Variants in ADARB2 observed in about 807,000 individuals in gnomAD.
ADARB2 encodes the protein adenosine deaminase RNA specific B2 (inactive).
Under a neutral mutation model 62.2 loss-of-function variants are expected in ADARB2, and 25 were observed. The observed-to-expected ratio is 0.40, with a 90% CI of 0.29 to 0.56. The LOEUF is 0.56. Ranked by LOEUF, ADARB2 falls within the 20% of genes least tolerant of loss-of-function variation. The pLI, the probability that ADARB2 is intolerant of heterozygous loss-of-function variation, is 0.43. For missense variants in ADARB2, 1,071 were observed against 1,077.4 expected, an observed-to-expected ratio of 0.99 and a Z score of 0.08; for synonymous variants, 572 against 500.8, an observed-to-expected ratio of 1.14 and a Z score of -1.90.
intron 3 of ADARB2, among the ~76,000 whole-genome samples, chr10:1,309,288 C>T (rs1341102282): frequency 2.0e-5 from 3 of 152,334 alleles, no homozygotes; most frequent in East Asian, 1.9e-4. Flanking sequence ...GTAAGATTGC[C>T]TCTCAGCGGA....
chr10:1,538,755 C>T (rs908954738), intron 1 of ADARB2, among the ~76,000 whole-genome samples: 24 of 152,292 alleles, frequency 1.6e-4, no homozygotes, highest in African/African-American at 5.1e-4. Flanking sequence ...CCATGGGAGT[C>T]GAGGACAGGA....
intron 3 of ADARB2, among the ~76,000 whole-genome samples, chr10:1,298,480 T>C (rs1831543606): frequency 6.6e-6 from 1 of 152,182 alleles, no homozygotes; most frequent in South Asian, 2.1e-4. Flanking sequence ...GAGATGCTAT[T>C]GCGCTTAAAA....
rs138136179 is a variant in ADARB2, at chr10:1,315,182, C to T, written c.1078-44113G>A. On this transcript the variant is annotated intron_variant, in intron 3 of 9. Transcript: ENST00000381312. Reference sequence around the variant, plus strand: ...TGGTGCAGACTCTTCTTCCCCTCAGCGGGGTGGGGGCTTGCAGGGAGAGAT... The same window carrying T: ...TGGTGCAGACTCTTCTTCCCCTCAGTGGGGTGGGGGCTTGCAGGGAGAGAT... Among the ~76,000 whole-genome samples the T allele has an allele frequency of 1.1e-4, 17 of 152,234 alleles. 1 individual carries two copies. Among genetic ancestry groups the T allele is most frequent in the South Asian group, 6.2e-4 (3 of 4,822 alleles).
intron 1 of ADARB2, among the ~76,000 whole-genome samples, chr10:1,659,869 C>T (rs75995533): frequency 1.9e-4 from 20 of 105,948 alleles, no homozygotes; most frequent in East Asian, 1.1e-3. Context: ...CCTGCCTTCC[C>T]TCCTCTCCTC....
Position 1,702,070 on chromosome 10 carries a change from C to T in ADARB2, c.100+34981G>A, listed in dbSNP as rs541037171. 5.3e-5 allele frequency among the ~76,000 whole-genome samples: 8 copies of T among 152,342 alleles called. No homozygotes were observed. In the East Asian group the frequency reaches 1.5e-3, roughly 29 times the overall value. Reference sequence around the variant, plus strand: ...CAGAGTTCACCTGCTGATGTAGAAGCCCTGATTGGCCATTCCCTGAAGATG... The same window carrying T: ...CAGAGTTCACCTGCTGATGTAGAAGTCCTGATTGGCCATTCCCTGAAGATG... On this transcript the variant is annotated intron_variant, in intron 1 of 9. Coordinates refer to ENST00000381312, the MANE Select transcript of ADARB2 (RefSeq NM_018702.4).
intron 1 of ADARB2, among the ~76,000 whole-genome samples, chr10:1,453,439 A>G (rs1000413167): frequency 1.3e-5 from 2 of 152,132 alleles, no homozygotes; most frequent in African/African-American, 4.8e-5. Flanking sequence ...ATTTTTGTAT[A>G]TGGTGTAATG....
intron 3 of ADARB2, among the ~76,000 whole-genome samples, chr10:1,345,692 A>C (rs932373432): frequency 2.0e-5 from 3 of 152,162 alleles, no homozygotes; most frequent in Non-Finnish European, 4.4e-5. Context: ...GAGGGACAGG[A>C]CAAGAATTGT....
chr10:1,628,056 C>A (rs893392673), intron 1 of ADARB2, among the ~76,000 whole-genome samples: 1 of 152,274 alleles, frequency 6.6e-6, no homozygotes, highest in Admixed American at 6.5e-5. Context: ...CTGGCCTGAG[C>A]TCTGCCCTTG....
At chr10:1,656,035 T>A (rs1233987875) in intron 1 of ADARB2, among the ~76,000 whole-genome samples, 1 of 152,244 alleles carries the variant, frequency 6.6e-6, no homozygotes, top group Non-Finnish European at 1.5e-5. Flanking sequence ...TGTTCACATT[T>A]AATTTTTCAG....
At chr10:1,422,636 C>A (rs1388042948) in intron 1 of ADARB2, among the ~76,000 whole-genome samples, 4 of 152,214 alleles carry the variant, frequency 2.6e-5, no homozygotes, top group Admixed American at 6.5e-5. Context: ...CCATGGATAC[C>A]TACACATCTG....
chr10:1,514,550 G>T (rs1831984661), intron 1 of ADARB2, among the ~76,000 whole-genome samples: 1 of 152,128 alleles, frequency 6.6e-6, no homozygotes, highest in Non-Finnish European at 1.5e-5. Context: ...ATAGAACTTG[G>T]TTCCCTCCAG....
At chr10:1,720,013 A>G (rs564356862) in intron 1 of ADARB2, among the ~76,000 whole-genome samples, 1 of 152,256 alleles carries the variant, frequency 6.6e-6, no homozygotes, top group Non-Finnish European at 1.5e-5. Flanking sequence ...CAGCAGTCAC[A>G]TTCCTGGGGG....
chr10:1,477,092 CT>C lies in ADARB2; in HGVS notation c.101-97933del, dbSNP rs780016387. On this transcript the variant is annotated intron_variant, in intron 1 of 9. Transcript: ENST00000381312. The surrounding 1 kb of genome is among the most constrained non-coding windows in gnomAD (Gnocchi z 4.5). ...ACCTTCACAGCCACGCAAGGGCACC[CT>C]CCCACTGCGCAGCACTGCCTCTCAC... 1.1e-3 allele frequency among the ~76,000 whole-genome samples: 173 copies of C among 152,278 alleles called. 4 individuals carry two copies. The highest frequency in any genetic ancestry group is 1.2e-3 in the Admixed American group (19 of 15,306).
chr10:1,377,820 C>A (rs148968553), intron 2 of ADARB2, among the ~76,000 whole-genome samples: 1 of 152,256 alleles, frequency 6.6e-6, no homozygotes, highest in African/African-American at 2.4e-5. Flanking sequence ...TCGCTCTGGT[C>A]CTGACACTCA....
At chr10:1,602,874 AAC>A (rs917710635) in intron 1 of ADARB2, among the ~76,000 whole-genome samples, 8 of 151,948 alleles carry the variant, frequency 5.3e-5, no homozygotes, top group African/African-American at 1.4e-4. Context: ...TACACATATC[AAC>A]ACACACACAC....
chr10:1,499,604 ACACT>A (rs1430732714), intron 1 of ADARB2, among the ~76,000 whole-genome samples: 1 of 150,998 alleles, frequency 6.6e-6, no homozygotes, highest in African/African-American at 2.4e-5. Flanking sequence ...TTTTTACTCA[ACACT>A]CACTCATCAT....
At chr10:1,194,549 C>T (rs1836883539) in intron 8 of ADARB2, among the ~76,000 whole-genome samples, 1 of 152,192 alleles carries the variant, frequency 6.6e-6, no homozygotes, top group Admixed American at 6.5e-5. Context: ...GTCTGTCTGT[C>T]AGTCTATCAT....
At chr10:1,687,029 CTTT>C (rs397952487) in intron 1 of ADARB2, among the ~76,000 whole-genome samples, 5,341 of 128,844 alleles carry the variant, frequency 0.041, 105 homozygotes, top group Middle Eastern at 0.071. Context: ...ATGACATTGC[CTTT>C]TTTTTTTTTT....
chr10:1,449,583 T>C (rs1831013269), intron 1 of ADARB2, among the ~76,000 whole-genome samples: 1 of 152,192 alleles, frequency 6.6e-6, no homozygotes, highest in Non-Finnish European at 1.5e-5. Context: ...TAGATGCTCA[T>C]CCAGAGAGAA....
Sources: allele counts gnomAD v4.1 joint callset (sites outside exome capture counted in the v4.1 genomes callset), GRCh38; gene constraint gnomAD v4.1.1; non-coding constraint Gnocchi (gnomAD v3.1); transcripts MANE v1.5; gene names NCBI Gene and HGNC (gene_info 2026-07-23, HGNC 2026-07-21).